Variants in FZR1 observed in about 807,000 individuals in gnomAD.
FZR1 encodes the protein fizzy and cell division cycle 20 related 1.
In FZR1, 11 loss-of-function variants were observed where a neutral mutation model predicts 63.6. The observed-to-expected ratio is 0.17, with a 90% confidence interval of 0.11 to 0.29. The LOEUF (loss-of-function observed/expected upper bound fraction) is 0.29. FZR1 is among the 10% of genes least tolerant of loss of function. The pLI is 1.00. For missense variants in FZR1, 440 were observed against 687.5 expected, an observed-to-expected ratio of 0.64 and a Z score of 4.03; for synonymous variants, 328 against 297.9, an observed-to-expected ratio of 1.10 and a Z score of -1.04.
intron 10 of FZR1, 132 bp downstream of exon 10, chr19:3,532,227 G>A: frequency 1.0e-6 from 1 of 979,540 alleles, no homozygotes; most frequent in South Asian, 1.7e-5. Flanking sequence ...AGGGCACCAG[G>A]CTTGTCCTTC....
At position 3,535,970 on chromosome 19, in the gene FZR1, G is replaced by A. The variant is rs1485622409; in HGVS notation, c.*1134G>A. 6.6e-6 allele frequency: 1 copy of A among 152,392 alleles called. No homozygotes were observed. The highest frequency in any genetic ancestry group is 2.4e-5 in the African/African-American group (1 of 41,442). 9.4% of individuals were successfully genotyped at this position (152,392 alleles called of 1,614,324 possible). On this transcript the variant is annotated 3_prime_UTR_variant, in exon 14 of 14. Transcript: ENST00000441788. ...AGGGAGGGAGGCAAGGCAGGGGAGTGGGGCCTGAGCTGAGCACTGCCCCCT... is the reference window on the plus strand; with the variant it reads ...AGGGAGGGAGGCAAGGCAGGGGAGTAGGGCCTGAGCTGAGCACTGCCCCCT...
Position 3,525,285 on chromosome 19 carries a change from G to A in FZR1, c.70-583G>A, listed in dbSNP as rs897514527. On this transcript the variant is annotated intron_variant, in intron 2 of 13. Transcript: ENST00000441788. The surrounding 1 kb of genome is among the most constrained non-coding windows in gnomAD (Gnocchi z 4.2). ...CATTCCTGCCACTCCACCCCGTCCC[G>A]TGGCCCTGCCCTCACCACCCTCCTG... Among the ~76,000 whole-genome samples, 35 of 152,106 alleles carry A rather than the reference G, an allele frequency of 2.3e-4. No homozygotes were observed. Among genetic ancestry groups the A allele is most frequent in the African/African-American group, 7.2e-4 (30 of 41,504 alleles).
intron 1 of FZR1, among the ~76,000 whole-genome samples, chr19:3,512,620 G>T (rs896465571): frequency 1.3e-5 from 2 of 152,192 alleles, no homozygotes; most frequent in African/African-American, 4.8e-5. Context: ...CGCCCGCCTT[G>T]GGTCCCTGGA....
intron 1 of FZR1, among the ~76,000 whole-genome samples, chr19:3,509,632 G>A (rs1363487753): frequency 6.6e-6 from 1 of 152,124 alleles, no homozygotes; most frequent in Non-Finnish European, 1.5e-5. Context: ...CCCATCAGCC[G>A]CCACCACCTG....
chr19:3,526,450 T>G lies in FZR1; in HGVS notation c.387+64T>G. 7.3e-7 allele frequency: 1 copy of G among 1,370,762 alleles called. No homozygotes were observed. Among genetic ancestry groups the G allele is most frequent in the Non-Finnish European group, 1.0e-6 (1 of 1,002,022 alleles). The allele number at this position is 1,370,762 out of a possible 1,614,324, so 84.9% of individuals were successfully genotyped here. A position where few individuals can be genotyped will look rare whatever the true frequency, so the allele number is the denominator to read the frequency against. On this transcript the variant is annotated intron_variant, in intron 5 of 13. Transcript: ENST00000441788. This position sits in a 1 kb window ranked among gnomAD's most constrained non-coding sequence, Gnocchi z 5.4. ...AGTGCAGCCTCCCCGGCCCCCCACC[T>G]CCCAGGCACCAGCTCTGCCTCCCCG... is the stretch of plus-strand genomic sequence containing the variant.
intron 7 of FZR1, among the ~76,000 whole-genome samples, chr19:3,529,914 G>A (rs185491221): frequency 1.8e-5 from 2 of 114,118 alleles, no homozygotes; most frequent in Admixed American, 1.8e-4. Flanking sequence ...TTGAGGGAGC[G>A]GATGGGTGAG....
At chr19:3,522,433 T>G (rs893309143) in intron 1 of FZR1, among the ~76,000 whole-genome samples, 10 of 152,200 alleles carry the variant, frequency 6.6e-5, no homozygotes, top group African/African-American at 2.2e-4. Context: ...AGTGCGGATG[T>G]GGCTTGTCCA....
intron 12 of FZR1, chr19:3,534,179 C>T: frequency 2.3e-6 from 1 of 431,188 alleles, no homozygotes. Flanking sequence ...AGGATTGCCC[C>T]ACTGCACACT....
intron 1 of FZR1, among the ~76,000 whole-genome samples, chr19:3,509,258 C>T (rs1054922010): frequency 6.6e-6 from 1 of 152,198 alleles, no homozygotes; most frequent in Non-Finnish European, 1.5e-5. Context: ...CTTCCTCTGC[C>T]TCAGTGTCCT....
chr19:3,529,584 G>A (rs907585735), intron 7 of FZR1, among the ~76,000 whole-genome samples: 3 of 151,010 alleles, frequency 2.0e-5, no homozygotes, highest in Non-Finnish European at 4.4e-5. Context: ...GGATGGGTGA[G>A]TGGATGAGAG....
intron 1 of FZR1, among the ~76,000 whole-genome samples, chr19:3,511,511 C>T (rs1048339703): frequency 3.3e-5 from 5 of 152,014 alleles, no homozygotes; most frequent in African/African-American, 9.7e-5. Context: ...GAAACCAGCC[C>T]GGGCAACATA....
At chr19:3,534,002 C>T (rs2083272784) in intron 12 of FZR1, among the ~76,000 whole-genome samples, 1 of 152,054 alleles carries the variant, frequency 6.6e-6, no homozygotes, top group Non-Finnish European at 1.5e-5. Context: ...GTGGGAGGAT[C>T]GCTTGAGCCC....
rs1370690438 is a variant in FZR1, at chr19:3,536,447, T to TA, written c.*1612dup. The TA allele has an allele frequency of 6.6e-6, 1 of 151,934 alleles. No individual in the cohort carries two copies. The allele number at this position is 151,934 out of a possible 1,614,324, so 9.4% of individuals were successfully genotyped here. ...TGTGGATTTCCAGTGGTCACGGTCTTACTGTTTCAAGGTTTTTAAATAAGA... is the reference window on the plus strand; with the variant it reads ...TGTGGATTTCCAGTGGTCACGGTCTTAACTGTTTCAAGGTTTTTAAATAAGA... On this transcript the variant is annotated 3_prime_UTR_variant, in exon 14 of 14. Coordinates refer to ENST00000441788, the MANE Select transcript of FZR1 (RefSeq NM_016263.4).
At position 3,530,850 on chromosome 19, in the gene FZR1, C is replaced by G. The variant is rs1483002528; in HGVS notation, c.713C>G (p.Ser238Cys). 6.2e-7 allele frequency: 1 copy of G among 1,612,298 alleles called. No individual in the cohort carries two copies. The highest frequency in any genetic ancestry group is 1.1e-5 in the South Asian group (1 of 90,944). The change falls in exon 8 of 14, where the codon TCT (serine) becomes TGT (cysteine). Residue 238 changes from serine (S) to cysteine (C), a missense_variant. Coordinates refer to ENST00000441788, the MANE Select transcript of FZR1 (RefSeq NM_016263.4). ...GACTCAGTGACCTCCGTGGGCTGGT[C>G]TGAGCGGGTGAGTGCAGAGGGCTTG... Reference protein sequence around the residue: ...EGDSVTSVGWSERGNLVAVGT... With the variant: ...EGDSVTSVGWCERGNLVAVGT...
rs536250730 is a variant in FZR1, at chr19:3,535,102, G to A, written c.*266G>A. The A allele has an allele frequency of 1.8e-5, 10 of 542,274 alleles. No individual in the cohort carries two copies. Among genetic ancestry groups the A allele is most frequent in the South Asian group, 8.1e-5 (4 of 49,198 alleles). 33.6% of individuals were successfully genotyped at this position (542,274 alleles called of 1,614,324 possible). ...CCAAAGGGCGAGAACCACATTGGAC[G>A]GTCCCGGCTCAGACCGTCTGTACTC... is the stretch of plus-strand genomic sequence containing the variant. On this transcript the variant is annotated 3_prime_UTR_variant, in exon 14 of 14. Transcript: ENST00000441788.
At position 3,526,309 on chromosome 19, in the gene FZR1, A is replaced by G; in HGVS notation, c.310A>G (p.Ile104Val). 2 of 1,606,434 alleles carry G rather than the reference A, an allele frequency of 1.2e-6. No homozygotes were observed. Among genetic ancestry groups the G allele is most frequent in the Non-Finnish European group, 1.7e-6 (2 of 1,177,162 alleles). The change falls in exon 5 of 14, where the codon ATC (isoleucine) becomes GTC (valine). Residue 104 changes from isoleucine to valine, a missense_variant. Physicochemically the swap from Ile to Val is conservative, Grantham distance 29. Coordinates refer to ENST00000441788, the MANE Select transcript of FZR1 (RefSeq NM_016263.4). This position sits in a 1 kb window ranked among gnomAD's most constrained non-coding sequence, Gnocchi z 5.4. ...CAAGAATGAGCTGCTGGGTGCCGGC[A>G]TCGAGAAGGTGCAGGACCCGCAGAC... ...LLKNELLGAG[I>V]EKVQDPQTED...
Position 3,516,369 on chromosome 19 carries a change from G to A in FZR1, c.-34-6587G>A, listed in dbSNP as rs2083058738. On this transcript the variant is annotated intron_variant, in intron 1 of 13. Transcript: ENST00000441788. This position sits in a 1 kb window ranked among gnomAD's most constrained non-coding sequence, Gnocchi z 6.0. ...CTTTGGGCTCTCCTGTGGGTGGCAG[G>A]TGCTTCCCTCAGTTTGTCATCTGTT... Among the ~76,000 whole-genome samples, 1 of 152,208 alleles carries A rather than the reference G, an allele frequency of 6.6e-6. No individual in the cohort carries two copies. The highest frequency in any genetic ancestry group is 1.5e-5 in the Non-Finnish European group (1 of 68,032).
chr19:3,528,632 T>TGG (rs151189090), intron 7 of FZR1, among the ~76,000 whole-genome samples: 4,548 of 147,684 alleles, frequency 0.031, 248 homozygotes, highest in African/African-American at 0.11. Context: ...AATGAGTGGA[T>TGG]GGGAGAGTGG....
Position 3,514,893 on chromosome 19 carries a change from C to G in FZR1, c.-34-8063C>G, listed in dbSNP as rs1379555327. On this transcript the variant is annotated intron_variant, in intron 1 of 13. Coordinates refer to ENST00000441788, the MANE Select transcript of FZR1 (RefSeq NM_016263.4). The surrounding 1 kb of genome is among the most constrained non-coding windows in gnomAD (Gnocchi z 4.2). ...AGAAGCTCGAGACTGAAGGCTTGCCCGGGGCAGTGGCAGAAGGAGGCCTCC... is the reference window on the plus strand; with the variant it reads ...AGAAGCTCGAGACTGAAGGCTTGCCGGGGGCAGTGGCAGAAGGAGGCCTCC... Among the ~76,000 whole-genome samples the G allele has an allele frequency of 2.0e-5, 3 of 152,188 alleles. No homozygotes were observed. The South Asian group carries it at 6.2e-4, about 31-fold the overall frequency.
Sources: allele counts gnomAD v4.1 joint callset (sites outside exome capture counted in the v4.1 genomes callset), GRCh38; gene constraint gnomAD v4.1.1; non-coding constraint Gnocchi (gnomAD v3.1); transcripts MANE v1.5; gene names NCBI Gene and HGNC (gene_info 2026-07-23, HGNC 2026-07-21).